The following ADGRE5 variants were observed in gnomAD, a reference collection of about 807,000 sequenced individuals.
ADGRE5 encodes adhesion G protein-coupled receptor E5, also known as CD97 molecule.
ADGRE5 carries 72 observed loss-of-function variants against 100.3 expected under a neutral mutation model. The ratio of observed to expected loss-of-function variants is 0.72; its 90% CI spans 0.59 to 0.87. ADGRE5 has a LOEUF of 0.87. Among genes scored for constraint, ADGRE5 ranks in the 40% least tolerant of loss-of-function variants. The pLI, the probability that ADGRE5 is intolerant of heterozygous loss-of-function variation, is 0.00. For synonymous variants in ADGRE5, 439 were observed against 447.8 expected, an observed-to-expected ratio of 0.98 and a Z score of 0.25; for missense variants, 959 against 1,094.7, an observed-to-expected ratio of 0.88 and a Z score of 1.75.
Position 14,402,756 on chromosome 19 carries a change from TC to T in ADGRE5, c.1344del (p.Leu450Ter). 6.2e-7 allele frequency: 1 copy of T among 1,614,110 alleles called. No individual in the cohort carries two copies. Among genetic ancestry groups the T allele is most frequent in the African/African-American group, 1.3e-5 (1 of 75,036 alleles). On this transcript the variant is annotated frameshift_variant, in exon 12 of 20. Coordinates refer to ENST00000242786, the MANE Select transcript of ADGRE5 (RefSeq NM_078481.4). LOFTEE classifies it high-confidence loss of function. ...QLRRLSAVNS[I>X]FLSHNNTKEL... ...AGACGCCTCTCTGCCGTCAACTCCA[TC>T]TTTCTGAGCCACAACAACACCAAGG...
intron 4 of ADGRE5, among the ~76,000 whole-genome samples, chr19:14,392,702 A>G (rs1157192065): frequency 6.6e-6 from 1 of 152,068 alleles, no homozygotes; most frequent in African/African-American, 2.4e-5. Context: ...CAGGAGTTCA[A>G]GACCAGCCTG....
At position 14,402,557 on chromosome 19, in the gene ADGRE5, A is replaced by C. The variant is rs561843446; in HGVS notation, c.1184-40A>C. On this transcript the variant is annotated intron_variant, in intron 11 of 19. Coordinates refer to ENST00000242786, the MANE Select transcript of ADGRE5 (RefSeq NM_078481.4). ...GGGAGGGAGGATAGAGCATGGGAGG[A>C]GGACAACGGGAGTAGGCAGCGAGTG... 3 of 1,608,438 alleles carry C rather than the reference A, an allele frequency of 1.9e-6. No individual in the cohort carries two copies. In the African/African-American group the frequency reaches 4.0e-5, roughly 21 times the overall value.
intron 1 of ADGRE5, among the ~76,000 whole-genome samples, chr19:14,384,856 TCTAG>T (rs1414096707): frequency 6.6e-6 from 1 of 151,772 alleles, no homozygotes; most frequent in Non-Finnish European, 1.5e-5. Context: ...CTTATATTTC[TCTAG>T]CTGTCTTCTT....
chr19:14,407,458 T>C (rs1976310488), intron 18 of ADGRE5, among the ~76,000 whole-genome samples: 2 of 152,144 alleles, frequency 1.3e-5, no homozygotes, highest in South Asian at 4.1e-4. Context: ...AAGACCAGCC[T>C]GGCCAACATG....
chr19:14,396,344 G>A lies in ADGRE5; in HGVS notation c.349G>A (p.Val117Met), dbSNP rs1303625392. ...KNESENTCQD[V>M]DECQQNPRLC... ...TCACCCTCTCCTTCCTCTTGCAGAT[G>A]TGGACGAATGTCAGCAGAACCCAAG... The change falls in exon 5 of 20, where the codon GTG (valine) becomes ATG (methionine). Residue 117 changes from valine (V) to methionine (M), a missense_variant and splice_region_variant. Physicochemically the swap from Val to Met is conservative, Grantham distance 21. Around this residue, in one of 6 missense-constraint regions of ADGRE5, gnomAD observed 114 missense variants for 195.7 expected, o/e 0.58. Transcript: ENST00000242786. 6.2e-7 allele frequency: 1 copy of A among 1,614,278 alleles called. No individual in the cohort carries two copies. Among genetic ancestry groups the A allele is most frequent in the Admixed American group, 1.7e-5 (1 of 60,030 alleles).
rs746216040 is a variant in ADGRE5, at chr19:14,405,779, G to A, written c.1661G>A (p.Gly554Glu). 1.5e-5 allele frequency: 25 copies of A among 1,613,666 alleles called. No individual in the cohort carries two copies. The South Asian group carries it at 2.6e-4, about 17-fold the overall frequency. Residue 554 changes from glycine to glutamate, a missense_variant, in exon 14 of 20, where the codon GGA becomes GAA. Gly to Glu is a moderately conservative substitution (Grantham distance 98, BLOSUM62 -2). Transcript: ENST00000242786. ...AAGCTGACCCTGATCACCAGGGTGGGACTGGCGCTGTCACTCTTCTGCCTG... is the reference window on the plus strand; with the variant it reads ...AAGCTGACCCTGATCACCAGGGTGGAACTGGCGCTGTCACTCTTCTGCCTG... Reference protein sequence around the residue: ...DWKLTLITRVGLALSLFCLLL... With the variant: ...DWKLTLITRVELALSLFCLLL...
At position 14,408,649 on chromosome 19, in the gene ADGRE5, G is replaced by C. The variant is rs1028796312; in HGVS notation, c.*528G>C. 3 of 501,010 alleles carry C rather than the reference G, an allele frequency of 6.0e-6. No individual in the cohort carries two copies. The highest frequency in any genetic ancestry group is 3.9e-5 in the African/African-American group (2 of 51,938). The allele number at this position is 501,010 out of a possible 1,614,324, so 31.0% of individuals were successfully genotyped here. A position where few individuals can be genotyped will look rare whatever the true frequency, so the allele number is the denominator to read the frequency against. The stretch of plus-strand genomic sequence containing the variant: ...GGTTCTCACTGTTGTGAAGGTTGTA[G>C]ACGTTGTGTAATGTGTTTTTATCTG... On this transcript the variant is annotated 3_prime_UTR_variant, in exon 20 of 20. Coordinates refer to ENST00000242786, the MANE Select transcript of ADGRE5 (RefSeq NM_078481.4).
Position 14,382,117 on chromosome 19 carries a change from TG to T in ADGRE5, c.22+575del, listed in dbSNP as rs555495389. Among the ~76,000 whole-genome samples the T allele has an allele frequency of 3.3e-3, 498 of 152,282 alleles. 6 individuals are homozygous for T. Among genetic ancestry groups the T allele is most frequent in the Middle Eastern group, 0.024 (7 of 294 alleles). ...GAATTTGATTTTTGTTGTGACTTCC[TG>T]GGACTCCCTTTCCCGCCCCACCCAA... is the stretch of plus-strand genomic sequence containing the variant. On this transcript the variant is annotated intron_variant, in intron 1 of 19. Coordinates refer to ENST00000242786, the MANE Select transcript of ADGRE5 (RefSeq NM_078481.4).
intron 4 of ADGRE5, chr19:14,391,581 AAATT>A (rs1222337645): frequency 6.4e-6 from 1 of 155,730 alleles, no homozygotes; most frequent in African/African-American, 2.4e-5. Flanking sequence ...AAAAAAAAAA[AAATT>A]AATTAGCCAG....
intron 1 of ADGRE5, among the ~76,000 whole-genome samples, chr19:14,382,463 C>T (rs1975192547): frequency 6.6e-6 from 1 of 152,218 alleles, no homozygotes; most frequent in South Asian, 2.1e-4. Flanking sequence ...CTTTTCTCAT[C>T]TATAAAATGG....
intron 1 of ADGRE5, among the ~76,000 whole-genome samples, chr19:14,386,907 C>G (rs1975378112): frequency 6.6e-6 from 1 of 151,486 alleles, no homozygotes; most frequent in African/African-American, 2.4e-5. Context: ...CCCAGATACT[C>G]TGGAGACTGA....
chr19:14,386,759 A>T (rs543937250), intron 1 of ADGRE5, among the ~76,000 whole-genome samples: 2 of 150,738 alleles, frequency 1.3e-5, no homozygotes, highest in South Asian at 2.1e-4. Flanking sequence ...CACGCCTGTA[A>T]TCCCAGCACT....
intron 4 of ADGRE5, among the ~76,000 whole-genome samples, chr19:14,393,850 G>A (rs925076471): frequency 6.6e-6 from 1 of 152,246 alleles, no homozygotes; most frequent in South Asian, 2.1e-4. Flanking sequence ...CATGTGACTT[G>A]GCCAGAGGAG....
At chr19:14,400,739 C>T (rs1018494928) in intron 9 of ADGRE5, among the ~76,000 whole-genome samples, 1 of 152,092 alleles carries the variant, frequency 6.6e-6, no homozygotes, top group African/African-American at 2.4e-5. Context: ...TTGCAGTGAG[C>T]CAAGATCGCG....
In ADGRE5 at chr19:14,402,647, G is replaced by C. The variant is rs1269591379; in HGVS notation, c.1234G>C (p.Ala412Pro). The change falls in exon 12 of 20, where the codon GCC (alanine) becomes CCC (proline). Residue 412 changes from alanine to proline, a missense_variant. Transcript: ENST00000242786. ...CATCCAGAACATGACGACATTGCTG[G>C]CCAATGCCTCCTTGAACCTGCATTC... The part of the protein sequence containing the change: ...LSIQNMTTLL[A>P]NASLNLHSKK... 3.5e-5 allele frequency: 56 copies of C among 1,613,968 alleles called. No individual in the cohort carries two copies. Among genetic ancestry groups the C allele is most frequent in the Non-Finnish European group, 4.5e-5 (53 of 1,180,016 alleles).
At chr19:14,392,772 G>A (rs1210325831) in intron 4 of ADGRE5, among the ~76,000 whole-genome samples, 1 of 151,788 alleles carries the variant, frequency 6.6e-6, no homozygotes, top group Non-Finnish European at 1.5e-5. Flanking sequence ...GTGTGGTGGT[G>A]CATGCCTGTA....
chr19:14,402,855 CT>C lies in ADGRE5; in HGVS notation c.1443del (p.Ala482ProfsTer4), dbSNP rs767087819. The C allele has an allele frequency of 6.2e-7, 1 of 1,613,866 alleles. No individual in the cohort carries two copies. The highest frequency in any genetic ancestry group is 8.5e-7 in the Non-Finnish European group (1 of 1,179,946). ...GATGGGGAGGCGGGAAGAGACCCTC[CT>C]GCCAAGGTCTCTGCTCACTCTGCTC... is the stretch of plus-strand genomic sequence containing the variant. The part of the protein sequence containing the change: ...SSDGEAGRDP[P>X]AKDVMPGPRQ... On this transcript the variant is annotated frameshift_variant, in exon 12 of 20. Transcript: ENST00000242786. LOFTEE classifies it high-confidence loss of function.
Position 14,407,898 on chromosome 19 carries a change from G to A in ADGRE5, c.2377-10G>A. 6.2e-7 allele frequency: 1 copy of A among 1,613,404 alleles called. No homozygotes were observed. The highest frequency in any genetic ancestry group is 8.5e-7 in the Non-Finnish European group (1 of 1,179,532). ...CTGCTCCTGCCCTGACTTGGTGTCT[G>A]GGCCGGCAGGTTCGGGAAGAATACC... On this transcript the variant is annotated splice_polypyrimidine_tract_variant and intron_variant, in intron 18 of 19. Coordinates refer to ENST00000242786, the MANE Select transcript of ADGRE5 (RefSeq NM_078481.4).
chr19:14,407,265 C>T (rs1202145121), intron 18 of ADGRE5, 36 bp downstream of exon 18: 2 of 1,610,948 alleles, frequency 1.2e-6, no homozygotes, highest in Non-Finnish European at 1.7e-6. Context: ...CGCCTGTCAT[C>T]CTCCCACCTA....
Sources: allele counts gnomAD v4.1 joint callset (sites outside exome capture counted in the v4.1 genomes callset), GRCh38; gene constraint gnomAD v4.1.1; regional missense constraint gnomAD v4.1.1; transcripts MANE v1.5; gene names NCBI Gene and HGNC (gene_info 2026-07-23, HGNC 2026-07-21).